SIPA1L3: variants seen among roughly 807,000 people sequenced by gnomAD.
SIPA1L3 encodes the protein signal-induced proliferation-associated 1-like protein 3.
Under a neutral mutation model 150.1 loss-of-function variants are expected in SIPA1L3, and 59 were observed. That is an observed-to-expected ratio of 0.39 (90% CI 0.32 to 0.49). The LOEUF (loss-of-function observed/expected upper bound fraction) is 0.49. Ranked by LOEUF, SIPA1L3 falls within the 20% of genes least tolerant of loss-of-function variation. The pLI, the probability that SIPA1L3 is intolerant of heterozygous loss-of-function variation, is 0.86. For missense variants in SIPA1L3, 2,211 were observed against 2,489.5 expected (o/e 0.89, Z 2.38); for synonymous variants, 1,070 against 1,077.6 (o/e 0.99, Z 0.14).
chr19:37,972,983 C>T (rs1966979147), intron 1 of SIPA1L3, among the ~76,000 whole-genome samples: 1 of 152,116 alleles, frequency 6.6e-6, no homozygotes, highest in Non-Finnish European at 1.5e-5. Context: ...ATGGCGACAG[C>T]TAGCTGCAAG....
rs142518997 is a variant in SIPA1L3 at position 37,999,127 on chromosome 19, T to C, written c.-378-29962T>C. 9.7e-4 allele frequency among the ~76,000 whole-genome samples: 148 copies of C among 152,268 alleles called. 2 individuals carry two copies. In the East Asian group the frequency reaches 0.019, roughly 20 times the overall value. Reference sequence around the variant, plus strand: ...GGTGGCGATGGGTAAATGACCACCTTGCAGTTCTTCGTTCATCCCCTTTGT... The same window carrying C: ...GGTGGCGATGGGTAAATGACCACCTCGCAGTTCTTCGTTCATCCCCTTTGT... On this transcript the variant is annotated intron_variant, in intron 1 of 21. Coordinates refer to ENST00000222345, the MANE Select transcript of SIPA1L3 (RefSeq NM_015073.3).
intron 1 of SIPA1L3, among the ~76,000 whole-genome samples, chr19:37,957,577 A>G (rs548762425): frequency 1.4e-5 from 2 of 146,958 alleles, no homozygotes; most frequent in South Asian, 2.1e-4. Flanking sequence ...TTTTCTTTTG[A>G]GACAGGATCT....
chr19:38,025,430 C>T (rs1968485944), intron 1 of SIPA1L3, among the ~76,000 whole-genome samples: 2 of 152,210 alleles, frequency 1.3e-5, no homozygotes, highest in South Asian at 4.1e-4. Flanking sequence ...ATTCCCGGAT[C>T]TGTAGCCCTC....
intron 1 of SIPA1L3, among the ~76,000 whole-genome samples, chr19:38,016,430 AT>A (rs1241854419): frequency 6.6e-6 from 1 of 152,240 alleles, no homozygotes; most frequent in African/African-American, 2.4e-5. Context: ...ATATTGGCAG[AT>A]GACATCATCA....
In SIPA1L3 at chr19:38,154,763, A is replaced by ATTTT. The variant is rs372517508; in HGVS notation, c.3661+1809_3661+1812dup. 5.4e-5 allele frequency among the ~76,000 whole-genome samples: 7 copies of ATTTT among 129,738 alleles called. No homozygotes were observed. The South Asian group carries it at 1.3e-3, about 23-fold the overall frequency. The allele number at this position is 129,738 out of a possible 152,430, so 85.1% of individuals were successfully genotyped here. On this transcript the variant is annotated intron_variant, in intron 13 of 21. Transcript: ENST00000222345. ...ACCCAGCTATTTTATTTTATTATTC[A>ATTTT]TTTTTTTTTTTTTTTTGAGACAGAG...
At chr19:38,012,873 G>A (rs1968137248) in intron 1 of SIPA1L3, among the ~76,000 whole-genome samples, 1 of 152,172 alleles carries the variant, frequency 6.6e-6, no homozygotes, top group African/African-American at 2.4e-5. Context: ...CCTGCAGGAA[G>A]TAAACGAGAG....
intron 6 of SIPA1L3, among the ~76,000 whole-genome samples, chr19:38,105,659 A>ATGCTTT (rs1334498147): frequency 6.6e-6 from 1 of 152,224 alleles, no homozygotes; most frequent in African/African-American, 2.4e-5. Flanking sequence ...TGCATGTCAC[A>ATGCTTT]TGAATGGGAT....
At chr19:38,179,421 G>A (rs1972512091) in intron 15 of SIPA1L3, among the ~76,000 whole-genome samples, 1 of 152,130 alleles carries the variant, frequency 6.6e-6, no homozygotes, top group Non-Finnish European at 1.5e-5. Flanking sequence ...CAGCCTAAGT[G>A]ACAGAGTAAG....
chr19:37,987,932 C>T (rs889470398), intron 1 of SIPA1L3, among the ~76,000 whole-genome samples: 5 of 152,176 alleles, frequency 3.3e-5, no homozygotes, highest in African/African-American at 1.2e-4. Flanking sequence ...ACCATAAAGT[C>T]CCTTTTAATA....
chr19:38,176,975 A>AAAAC (rs201252631), intron 15 of SIPA1L3, among the ~76,000 whole-genome samples: 45 of 151,902 alleles, frequency 3.0e-4, no homozygotes, highest in Non-Finnish European at 5.7e-4. Flanking sequence ...CCGTCTCAAA[A>AAAAC]AAACAAACAA....
intron 1 of SIPA1L3, among the ~76,000 whole-genome samples, chr19:38,015,145 C>A (rs1295605137): frequency 6.6e-6 from 1 of 152,190 alleles, no homozygotes; most frequent in Non-Finnish European, 1.5e-5. Flanking sequence ...AGTATCAGAT[C>A]ATTTCACTCA....
At chr19:38,000,116 G>C (rs563884707) in intron 1 of SIPA1L3, among the ~76,000 whole-genome samples, 1 of 145,592 alleles carries the variant, frequency 6.9e-6, no homozygotes, top group African/African-American at 2.5e-5. Context: ...TCAATTAATA[G>C]TGGCTATGAC....
chr19:38,029,826 C>T (rs1192143843), intron 2 of SIPA1L3, among the ~76,000 whole-genome samples: 4 of 149,664 alleles, frequency 2.7e-5, no homozygotes, highest in East Asian at 2.0e-4. Flanking sequence ...TTCGAACTCC[C>T]GACCTCAGGT....
At chr19:37,961,375 T>G (rs966105908) in intron 1 of SIPA1L3, among the ~76,000 whole-genome samples, 5 of 151,990 alleles carry the variant, frequency 3.3e-5, no homozygotes, top group African/African-American at 1.2e-4. Context: ...ATTTGACAGT[T>G]TTTTTTTCTT....
intron 2 of SIPA1L3, among the ~76,000 whole-genome samples, chr19:38,048,576 C>G (rs1457995675): frequency 1.3e-5 from 2 of 152,154 alleles, no homozygotes; most frequent in South Asian, 4.1e-4. Context: ...GTTCTGTTGT[C>G]TAGTAGCTGA....
At chr19:38,108,189 A>C (rs1200457592) in intron 7 of SIPA1L3, among the ~76,000 whole-genome samples, 1 of 152,066 alleles carries the variant, frequency 6.6e-6, no homozygotes, top group African/African-American at 2.4e-5. Context: ...CGGCAACCGG[A>C]GCGTGACAGG....
intron 6 of SIPA1L3, among the ~76,000 whole-genome samples, chr19:38,105,165 G>C (rs1257207497): frequency 6.6e-6 from 1 of 151,946 alleles, no homozygotes; most frequent in Non-Finnish European, 1.5e-5. Context: ...CAACCAGCCT[G>C]GGCAATGTGG....
At chr19:37,988,607 C>G (rs560024738) in intron 1 of SIPA1L3, among the ~76,000 whole-genome samples, 1 of 151,478 alleles carries the variant, frequency 6.6e-6, no homozygotes, top group Admixed American at 6.6e-5. Flanking sequence ...ACCCAGGAGA[C>G]AGAGGTTGTA....
chr19:38,096,169 A>G (rs1312840012), intron 4 of SIPA1L3, among the ~76,000 whole-genome samples: 2 of 152,162 alleles, frequency 1.3e-5, no homozygotes, highest in African/African-American at 4.8e-5. Context: ...AGGCGAAGTC[A>G]TGACATGTTA....
Sources: allele counts gnomAD v4.1 joint callset (sites outside exome capture counted in the v4.1 genomes callset), GRCh38; gene constraint gnomAD v4.1.1; transcripts MANE v1.5; gene names NCBI Gene and HGNC (gene_info 2026-07-23, HGNC 2026-07-21).